Variants in ZNF652 observed in about 807,000 individuals in gnomAD.
ZNF652 encodes zinc finger protein 652.
A neutral mutation model predicts 45.2 loss-of-function variants in ZNF652; 16 were observed. That is an observed-to-expected ratio of 0.35 (90% CI 0.24 to 0.54). The LOEUF (loss-of-function observed/expected upper bound fraction) is 0.54. ZNF652 is among the 20% of genes least tolerant of loss of function. The pLI is 0.91. For missense variants in ZNF652, 614 were observed against 765.6 expected (o/e 0.80, Z 2.34); for synonymous variants, 250 against 260.6 (o/e 0.96, Z 0.39).
intron 1 of ZNF652, among the ~76,000 whole-genome samples, chr17:49,329,308 G>A (rs535428460): frequency 6.6e-6 from 1 of 152,274 alleles, no homozygotes; most frequent in East Asian, 1.9e-4. Context: ...AATTTTGTAT[G>A]TAAAGTAGAA....
chr17:49,314,520 C>T (rs2069770497), intron 2 of ZNF652, among the ~76,000 whole-genome samples: 2 of 152,024 alleles, frequency 1.3e-5, no homozygotes, highest in Non-Finnish European at 2.9e-5. Context: ...TTAACTAAAG[C>T]CTATACCTTT....
chr17:49,326,253 A>AAG (rs1245586503), intron 1 of ZNF652, among the ~76,000 whole-genome samples: 302 of 151,688 alleles, frequency 2.0e-3, no homozygotes, highest in African/African-American at 7.2e-3. Context: ...AAAAAAAAAA[A>AAG]AAAAAAAAAG....
At chr17:49,348,511 A>AAAGAAAAGAG (rs1567699091) in intron 1 of ZNF652, among the ~76,000 whole-genome samples, 1 of 128,758 alleles carries the variant, frequency 7.8e-6, no homozygotes, top group Non-Finnish European at 1.7e-5. Flanking sequence ...AAAGAAAAGA[A>AAAGAAAAGAG]AAGAAAAGAA....
At position 49,304,992 on chromosome 17, in the gene ZNF652, C is replaced by T. The variant is rs937791325; in HGVS notation, c.1310-6068G>A. 3.9e-5 allele frequency among the ~76,000 whole-genome samples: 6 copies of T among 151,974 alleles called. No homozygotes were observed. The East Asian group carries it at 5.8e-4, about 15-fold the overall frequency. On this transcript the variant is annotated intron_variant, in intron 5 of 5. Coordinates refer to ENST00000430262, the MANE Select transcript of ZNF652 (RefSeq NM_001145365.3). ...TTAAACCCATTTTTCAAACTGCTTA[C>T]GTGAATGCCCCAGAGATATCTCAAA...
intron 1 of ZNF652, among the ~76,000 whole-genome samples, chr17:49,356,948 C>T (rs985245995): frequency 2.0e-5 from 3 of 151,472 alleles, no homozygotes; most frequent in Admixed American, 2.0e-4. Context: ...GTATACATGG[C>T]CCTAATTGCA....
At chr17:49,323,882 TTC>T (rs1458172617) in intron 1 of ZNF652, among the ~76,000 whole-genome samples, 2 of 152,330 alleles carry the variant, frequency 1.3e-5, no homozygotes, top group Non-Finnish European at 2.9e-5. Flanking sequence ...GTTGTTTCAT[TTC>T]TAGCACATAG....
chr17:49,349,108 A>G (rs1294029692), intron 1 of ZNF652, among the ~76,000 whole-genome samples: 1 of 152,180 alleles, frequency 6.6e-6, no homozygotes, highest in Non-Finnish European at 1.5e-5. Context: ...CCTCTGCCAT[A>G]AACTAAACTG....
intron 1 of ZNF652, among the ~76,000 whole-genome samples, chr17:49,359,588 T>C (rs1056961331): frequency 1.3e-5 from 2 of 152,162 alleles, no homozygotes; most frequent in Non-Finnish European, 2.9e-5. Flanking sequence ...TTACTACCCA[T>C]TCCAACACTA....
intron 1 of ZNF652, among the ~76,000 whole-genome samples, chr17:49,348,411 G>A (rs368222662): frequency 3.3e-5 from 5 of 150,842 alleles, no homozygotes; most frequent in Admixed American, 2.0e-4. Context: ...ACTTGAGCCC[G>A]GGAGATTGAG....
chr17:49,304,299 GT>G (rs964499672), intron 5 of ZNF652, among the ~76,000 whole-genome samples: 7 of 151,646 alleles, frequency 4.6e-5, no homozygotes, highest in African/African-American at 7.3e-5. Flanking sequence ...ATTAAAATTG[GT>G]TTTTTTTACT....
intron 1 of ZNF652, among the ~76,000 whole-genome samples, chr17:49,358,690 A>G (rs925747508): frequency 4.6e-5 from 7 of 152,136 alleles, no homozygotes; most frequent in Non-Finnish European, 1.0e-4. Context: ...TACAGACTTG[A>G]AAAGTATTTT....
intron 5 of ZNF652, among the ~76,000 whole-genome samples, chr17:49,301,825 G>A (rs560302789): frequency 1.3e-5 from 2 of 152,214 alleles, no homozygotes; most frequent in East Asian, 3.9e-4. Flanking sequence ...CCAGGAGTTC[G>A]AGACCAGCCT....
At chr17:49,318,872 T>A (rs1447355999) in intron 1 of ZNF652, among the ~76,000 whole-genome samples, 1 of 152,190 alleles carries the variant, frequency 6.6e-6, no homozygotes, top group Non-Finnish European at 1.5e-5. Flanking sequence ...TGGCCTTAAA[T>A]CATTTATAAT....
At chr17:49,333,149 C>T (rs891721574) in intron 1 of ZNF652, among the ~76,000 whole-genome samples, 6 of 151,630 alleles carry the variant, frequency 4.0e-5, no homozygotes, top group Non-Finnish European at 7.4e-5. Flanking sequence ...GCTCCGTCTC[C>T]TGGGTTCACG....
intron 1 of ZNF652, among the ~76,000 whole-genome samples, chr17:49,327,779 ATTTTTT>A (rs375857868): frequency 2.4e-4 from 1 of 4,106 alleles, no homozygotes; most frequent in Non-Finnish European, 6.4e-4. Context: ...ATATATATAT[ATTTTTT>A]TTTTTTTTTT....
intron 1 of ZNF652, among the ~76,000 whole-genome samples, chr17:49,322,133 T>C (rs372184439): frequency 5.9e-5 from 9 of 152,320 alleles, no homozygotes; most frequent in East Asian, 3.9e-4. Flanking sequence ...CTCAATAAAA[T>C]AGCTTTTCTA....
chr17:49,342,471 T>C (rs2070157660), intron 1 of ZNF652, among the ~76,000 whole-genome samples: 1 of 149,940 alleles, frequency 6.7e-6, no homozygotes, highest in South Asian at 2.1e-4. Flanking sequence ...CTAGTTTCAT[T>C]TTGAGTATAG....
chr17:49,347,740 GT>G (rs1181401090), intron 1 of ZNF652, among the ~76,000 whole-genome samples: 1,324 of 81,044 alleles, frequency 0.016, 9 homozygotes, highest in African/African-American at 0.056. Flanking sequence ...CCTTGGTTTT[GT>G]TTTTTTTTTT....
chr17:49,337,444 C>T (rs148163730), intron 1 of ZNF652, among the ~76,000 whole-genome samples: 6 of 152,156 alleles, frequency 3.9e-5, no homozygotes, highest in African/African-American at 1.4e-4. Flanking sequence ...GTTTTCTACA[C>T]TGGATGTTGG....
Sources: allele counts gnomAD v4.1 joint callset (sites outside exome capture counted in the v4.1 genomes callset), GRCh38; gene constraint gnomAD v4.1.1; transcripts MANE v1.5; gene names NCBI Gene and HGNC (gene_info 2026-07-23, HGNC 2026-07-21).